The following PDE4D variants were observed in gnomAD, a reference collection of about 807,000 sequenced individuals.
PDE4D encodes 3',5'-cyclic-AMP phosphodiesterase 4D.
In PDE4D, 24 loss-of-function variants were observed where a neutral mutation model predicts 87.4. The observed-to-expected ratio is 0.27, with a 90% CI of 0.20 to 0.39. The LOEUF (loss-of-function observed/expected upper bound fraction) is 0.39, where lower values mean the gene tolerates loss of function less well. Among genes scored for constraint, PDE4D ranks in the 10% least tolerant of loss-of-function variants. PDE4D has a pLI of 1.00. For synonymous variants in PDE4D, 384 were observed against 383.2 expected (o/e 1.00, Z -0.02); for missense variants, 714 against 1,041.0 (o/e 0.69, Z 4.32).
At chr5:60,203,918 TC>T (rs1742201762) in intron 1 of PDE4D, among the ~76,000 whole-genome samples, 1 of 152,186 alleles carries the variant, frequency 6.6e-6, no homozygotes, top group Non-Finnish European at 1.5e-5. Context: ...ACACAAAAAA[TC>T]TTGAAAGCAA....
rs552663456 is a variant in PDE4D, at chr5:59,547,144, T to C, written c.456-331176A>G. ...CTAATTCTTCCTCTACCTCTAACTA[T>C]TCTGTGGAATAGATAAAATAAGGAG... On this transcript the variant is annotated intron_variant, in intron 1 of 14. Transcript: ENST00000340635. Among the ~76,000 whole-genome samples, 9 of 152,320 alleles carry C rather than the reference T, an allele frequency of 5.9e-5. No homozygotes were observed. The East Asian group carries it at 1.7e-3, about 29-fold the overall frequency.
intron 1 of PDE4D, among the ~76,000 whole-genome samples, chr5:60,187,916 T>C (rs1784909915): frequency 6.6e-6 from 1 of 152,202 alleles, no homozygotes; most frequent in Admixed American, 6.5e-5. Flanking sequence ...AAGATAATAA[T>C]ACACATATGT....
At chr5:59,178,083 T>C (rs1440303515) in intron 5 of PDE4D, among the ~76,000 whole-genome samples, 1 of 152,092 alleles carries the variant, frequency 6.6e-6, no homozygotes, top group East Asian at 1.9e-4. Flanking sequence ...CTTTTCTGAG[T>C]GTCTCAAATC....
intron 1 of PDE4D, among the ~76,000 whole-genome samples, chr5:59,394,987 T>G (rs1789069537): frequency 6.6e-6 from 1 of 151,980 alleles, no homozygotes; most frequent in South Asian, 2.1e-4. Context: ...ACCTGGAGAA[T>G]CGGGTCACTC....
At chr5:59,556,646 T>C (rs1395100718) in intron 1 of PDE4D, among the ~76,000 whole-genome samples, 1 of 152,188 alleles carries the variant, frequency 6.6e-6, no homozygotes, top group Non-Finnish European at 1.5e-5. Flanking sequence ...TTTGTTTTCC[T>C]GCTAAGTTTG....
chr5:60,375,424 T>C (rs924618446), intron 1 of PDE4D, among the ~76,000 whole-genome samples: 17 of 152,212 alleles, frequency 1.1e-4, no homozygotes, highest in African/African-American at 4.1e-4. Flanking sequence ...CCAATTTTAT[T>C]ATGTAGGGAT....
At chr5:60,441,118 G>C (rs1161585422) in intron 1 of PDE4D, among the ~76,000 whole-genome samples, 1 of 152,100 alleles carries the variant, frequency 6.6e-6, no homozygotes, top group Admixed American at 6.6e-5. Flanking sequence ...CCAAAAAAGA[G>C]CCTGTATAGC....
intron 1 of PDE4D, among the ~76,000 whole-genome samples, chr5:60,374,893 AT>A (rs1040033584): frequency 7.9e-5 from 12 of 152,118 alleles, no homozygotes; most frequent in Non-Finnish European, 1.3e-4. Flanking sequence ...GTATACGTAT[AT>A]TTTTTTTCTT....
chr5:60,246,763 T>C (rs1470902895), intron 1 of PDE4D, among the ~76,000 whole-genome samples: 1 of 151,958 alleles, frequency 6.6e-6, no homozygotes, highest in Admixed American at 6.6e-5. Context: ...GTTTGCTAAC[T>C]CTCACTTGTG....
intron 2 of PDE4D, among the ~76,000 whole-genome samples, chr5:60,088,832 C>T (rs935198556): frequency 2.0e-5 from 3 of 151,854 alleles, no homozygotes; most frequent in Non-Finnish European, 2.9e-5. Flanking sequence ...ATATTCAAAC[C>T]TTGAATATAA....
intron 5 of PDE4D, among the ~76,000 whole-genome samples, chr5:59,066,082 A>G (rs1023773047): frequency 6.6e-6 from 1 of 152,192 alleles, no homozygotes; most frequent in African/African-American, 2.4e-5. Flanking sequence ...CTACTAAAAG[A>G]AAACCTATCA....
chr5:60,218,188 T>A (rs1196106321), intron 1 of PDE4D, among the ~76,000 whole-genome samples: 3 of 152,036 alleles, frequency 2.0e-5, no homozygotes, highest in Non-Finnish European at 4.4e-5. Context: ...ATGAAGCTAA[T>A]GATTATTTAT....
intron 1 of PDE4D, among the ~76,000 whole-genome samples, chr5:59,656,166 C>T (rs1353217724): frequency 2.0e-5 from 3 of 151,936 alleles, no homozygotes; most frequent in South Asian, 2.1e-4. Context: ...CATACAGACA[C>T]CTCACACACA....
At chr5:60,409,911 G>C (rs1425956487) in intron 1 of PDE4D, among the ~76,000 whole-genome samples, 1 of 152,088 alleles carries the variant, frequency 6.6e-6, no homozygotes, top group African/African-American at 2.4e-5. Flanking sequence ...AAAGCAGTCA[G>C]ATGTGTGTGC....
At chr5:59,490,097 A>G (rs1167087604) in intron 1 of PDE4D, among the ~76,000 whole-genome samples, 2 of 152,156 alleles carry the variant, frequency 1.3e-5, no homozygotes, top group African/African-American at 4.8e-5. Flanking sequence ...ACTCTCTCAT[A>G]TGGCTACAAA....
chr5:59,391,104 G>C (rs1437105943), intron 1 of PDE4D, among the ~76,000 whole-genome samples: 1 of 152,100 alleles, frequency 6.6e-6, no homozygotes, highest in Non-Finnish European at 1.5e-5. Context: ...GAGTTAAGGA[G>C]GTGAGCCTTA....
chr5:59,201,988 A>C (rs896081880), intron 2 of PDE4D, among the ~76,000 whole-genome samples: 5 of 147,486 alleles, frequency 3.4e-5, no homozygotes. Flanking sequence ...AACTCAGGCC[A>C]CCTGTTTGTA....
At chr5:60,108,510 T>G (rs935167345) in intron 2 of PDE4D, among the ~76,000 whole-genome samples, 2 of 152,212 alleles carry the variant, frequency 1.3e-5, no homozygotes, top group African/African-American at 4.8e-5. Context: ...AAAAAACTAC[T>G]GTAAAGTTCA....
chr5:59,837,852 T>G (rs1169966119), intron 1 of PDE4D, among the ~76,000 whole-genome samples: 1 of 152,042 alleles, frequency 6.6e-6, no homozygotes, highest in African/African-American at 2.4e-5. Flanking sequence ...TACAAATAAT[T>G]ACCAAATGAA....
Sources: allele counts gnomAD v4.1 joint callset (sites outside exome capture counted in the v4.1 genomes callset), GRCh38; gene constraint gnomAD v4.1.1; transcripts MANE v1.5; gene names NCBI Gene and HGNC (gene_info 2026-07-23, HGNC 2026-07-21).